AUTS2: variants seen among roughly 807,000 people sequenced by gnomAD.
AUTS2 encodes activator of transcription and developmental regulator AUTS2, also known as autism susceptibility gene 2 protein.
In AUTS2, 17 loss-of-function variants were observed where a neutral mutation model predicts 112.4. The ratio of observed to expected loss-of-function variants is 0.15; its 90% CI spans 0.10 to 0.23. The LOEUF is 0.23. Among genes scored for constraint, AUTS2 ranks in the 10% least tolerant of loss-of-function variants. The pLI is 1.00. For synonymous variants in AUTS2, 751 were observed against 702.7 expected (o/e 1.07, Z -1.09); for missense variants, 1,510 against 1,701.6 (o/e 0.89, Z 1.98).
rs141543349 is a variant in AUTS2 at position 70,079,710 on chromosome 7, C to T, written c.523-38422C>T. Among the ~76,000 whole-genome samples the T allele has an allele frequency of 1.7e-3, 266 of 152,136 alleles. 1 individual carries two copies. The highest frequency in any genetic ancestry group is 5.9e-3 in the African/African-American group (244 of 41,506). Reference sequence around the variant, plus strand: ...CTTTTCCTAACTCTGTATTCAATGACATCACTTTAGTAGCCATGGTGGAAG... The same window carrying T: ...CTTTTCCTAACTCTGTATTCAATGATATCACTTTAGTAGCCATGGTGGAAG... On this transcript the variant is annotated intron_variant, in intron 2 of 18. Coordinates refer to ENST00000342771, the MANE Select transcript of AUTS2 (RefSeq NM_015570.4).
At chr7:69,757,180 A>C (rs778150603) in intron 1 of AUTS2, among the ~76,000 whole-genome samples, 1 of 152,198 alleles carries the variant, frequency 6.6e-6, no homozygotes, top group Non-Finnish European at 1.5e-5. Context: ...GCACTATTTT[A>C]AGTTCTAGGG....
Position 70,791,170 on chromosome 7 carries a change from T to G in AUTS2, c.*174T>G, listed in dbSNP as rs1791928672. 1 of 605,648 alleles carries G rather than the reference T, an allele frequency of 1.7e-6. No homozygotes were observed. Among genetic ancestry groups the G allele is most frequent in the Non-Finnish European group, 2.4e-6 (1 of 412,846 alleles). 37.5% of individuals were successfully genotyped at this position (605,648 alleles called of 1,614,324 possible). On this transcript the variant is annotated 3_prime_UTR_variant, in exon 19 of 19. Coordinates refer to ENST00000342771, the MANE Select transcript of AUTS2 (RefSeq NM_015570.4). ...ATTTTGAAATGTTTTGTATATTATA[T>G]GTTGAGATTTTTCAGATCTTTTAGC...
At chr7:70,562,989 G>A (rs1801552497) in intron 5 of AUTS2, among the ~76,000 whole-genome samples, 1 of 152,204 alleles carries the variant, frequency 6.6e-6, no homozygotes, top group African/African-American at 2.4e-5. Context: ...GTGAAAGAGA[G>A]ATGAGACTTA....
intron 2 of AUTS2, among the ~76,000 whole-genome samples, chr7:70,017,331 T>G (rs1206410903): frequency 6.6e-6 from 1 of 152,202 alleles, no homozygotes; most frequent in Non-Finnish European, 1.5e-5. Flanking sequence ...TCAGATTATA[T>G]TGATCAGAAC....
At chr7:70,237,077 G>A (rs1812365935) in intron 4 of AUTS2, among the ~76,000 whole-genome samples, 1 of 152,182 alleles carries the variant, frequency 6.6e-6, no homozygotes, top group Non-Finnish European at 1.5e-5. Context: ...TACAAAGACT[G>A]AGCCCTCAGA....
Position 70,319,855 on chromosome 7 carries a change from T to A in AUTS2, c.661-115897T>A, listed in dbSNP as rs555953482. ...AGCTGGCCTTTGAAAATTACCCTTA[T>A]GAAGCTTACATTTTACTGGAGAAGC... On this transcript the variant is annotated intron_variant, in intron 4 of 18. Coordinates refer to ENST00000342771, the MANE Select transcript of AUTS2 (RefSeq NM_015570.4). Among the ~76,000 whole-genome samples the A allele has an allele frequency of 2.6e-5, 4 of 151,092 alleles. No individual in the cohort carries two copies. In the South Asian group the frequency reaches 8.4e-4, roughly 32 times the overall value.
intron 4 of AUTS2, among the ~76,000 whole-genome samples, chr7:70,326,488 G>C (rs760613390): frequency 6.6e-6 from 1 of 152,166 alleles, no homozygotes; most frequent in Non-Finnish European, 1.5e-5. Context: ...TAATTTCCCA[G>C]TGACCTCTGA....
At chr7:70,329,032 CTG>C (rs1790622999) in intron 4 of AUTS2, among the ~76,000 whole-genome samples, 1 of 152,192 alleles carries the variant, frequency 6.6e-6, no homozygotes, top group Non-Finnish European at 1.5e-5. Flanking sequence ...ATCATACACT[CTG>C]TGACCTTTTT....
intron 1 of AUTS2, among the ~76,000 whole-genome samples, chr7:69,684,849 G>A (rs1436557339): frequency 6.6e-6 from 1 of 152,188 alleles, no homozygotes; most frequent in Non-Finnish European, 1.5e-5. Flanking sequence ...AAAGGATAAA[G>A]TGAGTTGTTG....
chr7:70,332,922 A>G (rs545619248), intron 4 of AUTS2, among the ~76,000 whole-genome samples: 1 of 152,346 alleles, frequency 6.6e-6, no homozygotes, highest in Admixed American at 6.5e-5. Context: ...TTCATGACTA[A>G]AACACCAAAA....
At chr7:69,740,523 C>CTTTTTTTTTTTTTT (rs11433491) in intron 1 of AUTS2, among the ~76,000 whole-genome samples, 1 of 150,192 alleles carries the variant, frequency 6.7e-6, no homozygotes, top group Non-Finnish European at 1.5e-5. Context: ...TCAGAAATGT[C>CTTTTTTTTTTTTTT]TTTTTTTTTT....
rs569467379 is a variant in AUTS2, at chr7:70,752,520, T to G, written c.743-10350T>G. 7.9e-5 allele frequency among the ~76,000 whole-genome samples: 12 copies of G among 152,342 alleles called. No homozygotes were observed. In the South Asian group the frequency reaches 2.5e-3, roughly 32 times the overall value. The stretch of plus-strand genomic sequence containing the variant: ...AGATATAGGATATCATCATTAAGTC[T>G]GATTATCTAAGCTTATCTGTGAGCC... On this transcript the variant is annotated intron_variant, in intron 6 of 18. Transcript: ENST00000342771.
rs138256493 is a variant in AUTS2, at chr7:70,481,002, C to T, written c.690+45221C>T. Among the ~76,000 whole-genome samples the T allele has an allele frequency of 2.3e-3, 357 of 152,242 alleles. 4 individuals are homozygous for T. The Middle Eastern group carries it at 0.024, about 10-fold the overall frequency. On this transcript the variant is annotated intron_variant, in intron 5 of 18. Transcript: ENST00000342771. Reference sequence around the variant, plus strand: ...TGTTGGAACCACACATGTGTAAAGGCTCTGAGATGAGTTTAGTGAGAGTTG... The same window carrying T: ...TGTTGGAACCACACATGTGTAAAGGTTCTGAGATGAGTTTAGTGAGAGTTG...
At chr7:70,267,285 T>TC (rs1787478038) in intron 4 of AUTS2, among the ~76,000 whole-genome samples, 1 of 152,140 alleles carries the variant, frequency 6.6e-6, no homozygotes. Flanking sequence ...TTTCTTTTTT[T>TC]TTTTTTCCTG....
intron 5 of AUTS2, among the ~76,000 whole-genome samples, chr7:70,593,294 A>G (rs189555173): frequency 1.3e-5 from 2 of 152,244 alleles, no homozygotes; most frequent in Non-Finnish European, 2.9e-5. Context: ...GCTGTGCAGT[A>G]AGCACTCAAT....
At chr7:69,834,014 G>A (rs1418799494) in intron 1 of AUTS2, among the ~76,000 whole-genome samples, 1 of 152,134 alleles carries the variant, frequency 6.6e-6, no homozygotes, top group Non-Finnish European at 1.5e-5. Flanking sequence ...GGATTTTAAT[G>A]GGCAGCTAGG....
chr7:69,782,649 GA>G (rs982049949), intron 1 of AUTS2, among the ~76,000 whole-genome samples: 5 of 151,642 alleles, frequency 3.3e-5, no homozygotes, highest in African/African-American at 9.7e-5. Context: ...TTGATTTTAA[GA>G]AAAGATAATT....
At position 70,487,926 on chromosome 7, in the gene AUTS2, A is replaced by C. The variant is rs556505075; in HGVS notation, c.690+52145A>C. Among the ~76,000 whole-genome samples the C allele has an allele frequency of 4.6e-5, 7 of 152,278 alleles. No individual in the cohort carries two copies. In the South Asian group the frequency reaches 1.4e-3, roughly 32 times the overall value. On this transcript the variant is annotated intron_variant, in intron 5 of 18. Transcript: ENST00000342771. Reference sequence around the variant, plus strand: ...TAAAATAGGGGGATGAGTAGATGGAAGGCTGGGGCGGTGGTGGGCCAAGAG... The same window carrying C: ...TAAAATAGGGGGATGAGTAGATGGACGGCTGGGGCGGTGGTGGGCCAAGAG...
intron 1 of AUTS2, among the ~76,000 whole-genome samples, chr7:69,642,442 A>G (rs552383103): frequency 6.6e-6 from 1 of 152,332 alleles, no homozygotes; most frequent in South Asian, 2.1e-4. Flanking sequence ...TTGACTTACC[A>G]TCCTAAATGT....
Sources: allele counts gnomAD v4.1 joint callset (sites outside exome capture counted in the v4.1 genomes callset), GRCh38; gene constraint gnomAD v4.1.1; transcripts MANE v1.5; gene names NCBI Gene and HGNC (gene_info 2026-07-23, HGNC 2026-07-21).